The following UBA6 variants were observed in gnomAD, a reference collection of about 807,000 sequenced individuals.
The protein encoded by UBA6 is ubiquitin-like modifier-activating enzyme 6.
In UBA6, 87 loss-of-function variants were observed where a neutral mutation model predicts 148.3. The observed-to-expected ratio is 0.59, with a 90% CI of 0.49 to 0.70. The LOEUF is 0.70. UBA6 is among the 30% of genes least tolerant of loss of function. The pLI, the probability that UBA6 is intolerant of heterozygous loss-of-function variation, is 0.00. For missense variants in UBA6, 1,186 were observed against 1,241.2 expected (o/e 0.96, Z 0.67); for synonymous variants, 376 against 401.0 (o/e 0.94, Z 0.75).
chr4:67,662,160 T>A, intron 13 of UBA6, 29 bp downstream of exon 13: 1 of 1,603,692 alleles, frequency 6.2e-7, no homozygotes, highest in Non-Finnish European at 8.5e-7. Context: ...CAAACAAATA[T>A]TCGGACAGCC....
chr4:67,665,671 GAGAATTCAGAAAC>G (rs1225668714), intron 9 of UBA6, among the ~76,000 whole-genome samples: 2 of 151,680 alleles, frequency 1.3e-5, no homozygotes, highest in Non-Finnish European at 2.9e-5. Flanking sequence ...GAAAAGATTA[GAGAATTCAGAAAC>G]AGTCTCAAGT....
At chr4:67,625,382 C>T (rs1728842642) in intron 28 of UBA6, among the ~76,000 whole-genome samples, 195 bp from the exon 29 acceptor site, 1 of 146,066 alleles carries the variant, frequency 6.8e-6, no homozygotes, top group South Asian at 2.3e-4. Flanking sequence ...TAAAGAGAGC[C>T]AATTTTTTTT....
At chr4:67,686,272 A>G (rs1730556185) in intron 2 of UBA6, among the ~76,000 whole-genome samples, 1 of 152,208 alleles carries the variant, frequency 6.6e-6, no homozygotes, top group Non-Finnish European at 1.5e-5. Flanking sequence ...AAACATTTGA[A>G]GATGGCATTC....
intron 2 of UBA6, among the ~76,000 whole-genome samples, chr4:67,693,651 A>C (rs1250843453): frequency 6.6e-6 from 1 of 152,210 alleles, no homozygotes; most frequent in Non-Finnish European, 1.5e-5. Flanking sequence ...TATGTTCAAA[A>C]TAACTCGGTA....
At chr4:67,620,385 G>A (rs1444949645) in intron 32 of UBA6, among the ~76,000 whole-genome samples, 6 of 152,100 alleles carry the variant, frequency 3.9e-5, no homozygotes, top group Non-Finnish European at 5.9e-5. Context: ...CTGAACTAGA[G>A]GTCTGAGTTA....
Position 67,644,750 on chromosome 4 carries a change from A to G in UBA6, c.1424T>C (p.Met475Thr). The change falls in exon 17 of 33, where the codon ATG becomes ACG. Residue 475 changes from methionine (M) to threonine (T), a missense_variant. Physicochemically the swap from Met to Thr is moderately conservative, Grantham distance 81. Coordinates refer to ENST00000322244, the MANE Select transcript of UBA6 (RefSeq NM_018227.6). The stretch of plus-strand genomic sequence containing the variant: ...ACCAAGTAAAGCAAAATTTTTCAAC[A>G]TTTCACAGCCTATGGCTCCACACCC... ...LVGCGAIGCE[M>T]LKNFALLGVG... The G allele has an allele frequency of 1.2e-6, 2 of 1,611,008 alleles. No homozygotes were observed. The highest frequency in any genetic ancestry group is 1.7e-6 in the Non-Finnish European group (2 of 1,177,318).
intron 29 of UBA6, 121 bp from the exon 30 acceptor site, chr4:67,624,374 G>A: frequency 2.4e-6 from 2 of 839,956 alleles, no homozygotes; most frequent in Non-Finnish European, 3.5e-6. Context: ...GCAGCTATGG[G>A]ACTATAGTAA....
intron 6 of UBA6, among the ~76,000 whole-genome samples, chr4:67,677,341 A>C (rs953135597): frequency 2.0e-5 from 3 of 152,204 alleles, no homozygotes; most frequent in African/African-American, 7.2e-5. Flanking sequence ...GAAAGAAATA[A>C]ATGCATGTTG....
At chr4:67,658,265 A>G (rs1409479688) in intron 13 of UBA6, among the ~76,000 whole-genome samples, 1 of 152,244 alleles carries the variant, frequency 6.6e-6, no homozygotes, top group East Asian at 1.9e-4. Flanking sequence ...GGCACTATTC[A>G]CTATAGCAAA....
At chr4:67,689,304 T>C (rs1006948892) in intron 2 of UBA6, among the ~76,000 whole-genome samples, 7 of 152,134 alleles carry the variant, frequency 4.6e-5, no homozygotes, top group Admixed American at 3.3e-4. Flanking sequence ...TATCAGGACA[T>C]AACTCCATTT....
chr4:67,686,730 T>C (rs10002740), intron 2 of UBA6, among the ~76,000 whole-genome samples: 22,992 of 151,334 alleles, frequency 0.15, 1,811 homozygotes, highest in South Asian at 0.22. Flanking sequence ...AGCGGGAGGA[T>C]CACTTGAGAC....
intron 13 of UBA6, among the ~76,000 whole-genome samples, chr4:67,658,074 C>T (rs1326581447): frequency 2.0e-5 from 3 of 152,118 alleles, no homozygotes; most frequent in South Asian, 2.1e-4. Flanking sequence ...GAAACAGGAA[C>T]GCTTTTACAC....
At chr4:67,660,550 A>C (rs571833018) in intron 13 of UBA6, among the ~76,000 whole-genome samples, 3 of 152,138 alleles carry the variant, frequency 2.0e-5, no homozygotes, top group African/African-American at 7.2e-5. Flanking sequence ...AGATTTGGGA[A>C]CCTCTGCCTA....
intron 14 of UBA6, among the ~76,000 whole-genome samples, chr4:67,647,077 C>T (rs1729436644): frequency 1.3e-5 from 2 of 152,102 alleles, no homozygotes; most frequent in Non-Finnish European, 2.9e-5. Flanking sequence ...GGAAATTTCA[C>T]CTCCAAATCT....
At chr4:67,672,065 A>C (rs1167823726) in intron 7 of UBA6, among the ~76,000 whole-genome samples, 1 of 152,026 alleles carries the variant, frequency 6.6e-6, no homozygotes, top group East Asian at 1.9e-4. Flanking sequence ...TTTGTCTAAG[A>C]TACCAGCATC....
At chr4:67,679,252 C>T (rs933057912) in intron 4 of UBA6, among the ~76,000 whole-genome samples, 3 of 151,890 alleles carry the variant, frequency 2.0e-5, no homozygotes, top group Non-Finnish European at 4.4e-5. Flanking sequence ...TACCTATCTA[C>T]AAAAACAAAT....
chr4:67,678,599 A>G, intron 4 of UBA6, 66 bp from the exon 5 acceptor site: 1 of 788,656 alleles, frequency 1.3e-6, no homozygotes, highest in South Asian at 2.0e-5. Context: ...CTCCAGTATT[A>G]CTGACAATGT....
intron 17 of UBA6, among the ~76,000 whole-genome samples, chr4:67,642,375 TA>T (rs1292700162): frequency 6.6e-6 from 1 of 152,156 alleles, no homozygotes; most frequent in Admixed American, 6.5e-5. Context: ...CTAAATCATT[TA>T]ATTTGGAACT....
intron 32 of UBA6, 43 bp from the exon 33 acceptor site, chr4:67,619,175 A>G (rs772061330): frequency 3.4e-6 from 5 of 1,475,220 alleles, no homozygotes; most frequent in African/African-American, 2.8e-5. Context: ...TAAATTCTAT[A>G]AAATGAAAAA....
Sources: allele counts gnomAD v4.1 joint callset (sites outside exome capture counted in the v4.1 genomes callset), GRCh38; gene constraint gnomAD v4.1.1; transcripts MANE v1.5; gene names NCBI Gene and HGNC (gene_info 2026-07-23, HGNC 2026-07-21).